ZNF277: variants seen among roughly 807,000 people sequenced by gnomAD.
ZNF277 encodes nuclear receptor-interacting factor 4.
In ZNF277, 55 loss-of-function variants were observed where a neutral mutation model predicts 60.7. That is an observed-to-expected ratio of 0.91 (90% confidence interval 0.73 to 1.13). The LOEUF (loss-of-function observed/expected upper bound fraction) is 1.13. Among genes scored for constraint, ZNF277 ranks in the 50% most tolerant of loss-of-function variants. The pLI is 0.00. For missense variants in ZNF277, 510 were observed against 523.0 expected (o/e 0.98, Z 0.24); for synonymous variants, 178 against 179.3 (o/e 0.99, Z 0.06).
At position 112,342,658 on chromosome 7, in the gene ZNF277, A is replaced by G. The variant is rs1177237860; in HGVS notation, c.1282A>G (p.Ile428Val). The G allele has an allele frequency of 6.2e-7, 1 of 1,612,778 alleles. No homozygotes were observed. The highest frequency in any genetic ancestry group is 8.5e-7 in the Non-Finnish European group (1 of 1,179,858). ...TAQEQNENVPIISEDTSKLYA... is the reference protein window; with the variant it reads ...TAQEQNENVPVISEDTSKLYA... ...TCAGGAACAAAATGAAAATGTTCCC[A>G]TCATCAGTGAAGATACATCTAAACT... The change falls in exon 12 of 12, where the codon ATC (isoleucine) becomes GTC (valine). Residue 428 changes from isoleucine (I) to valine (V), a missense_variant. Coordinates refer to ENST00000361822, the MANE Select transcript of ZNF277 (RefSeq NM_021994.3).
At position 112,327,821 on chromosome 7, in the gene ZNF277, T is replaced by A; in HGVS notation, c.662T>A (p.Leu221His). 1 of 1,605,548 alleles carries A rather than the reference T, an allele frequency of 6.2e-7. No individual in the cohort carries two copies. Among genetic ancestry groups the A allele is most frequent in the Non-Finnish European group, 8.5e-7 (1 of 1,175,586 alleles). The stretch of plus-strand genomic sequence containing the variant: ...TTTTTGTGTACATTACAGAAAAAGC[T>A]TGACAAGTAAGTACTGATTTATGAA... ...NEFLCTLQKK[L>H]DNLQCLYCEK... The change falls in exon 6 of 12, where the codon CTT becomes CAT. Residue 221 changes from leucine to histidine, a missense_variant. Transcript: ENST00000361822.
rs755325051 is a variant in ZNF277, at chr7:112,330,205, A to ATC, written c.791_792dup (p.Asn265SerfsTer69). On this transcript the variant is annotated frameshift_variant, in exon 7 of 12. Transcript: ENST00000361822. LOFTEE classifies it high-confidence loss of function. ...CAGAGAATATGACAGATTTTATGTC[A>ATC]TCAATTATTTGGTAAGGCTTTCTTT... The ATC allele has an allele frequency of 1.2e-4, 192 of 1,612,682 alleles. No homozygotes were observed. Among genetic ancestry groups the ATC allele is most frequent in the Non-Finnish European group, 1.9e-5 (22 of 1,179,804 alleles).
chr7:112,215,593 T>C (rs1402354327), intron 1 of ZNF277, among the ~76,000 whole-genome samples: 4 of 152,242 alleles, frequency 2.6e-5, no homozygotes, highest in Admixed American at 2.6e-4. Flanking sequence ...AGTGGATACA[T>C]TTGATTCTGT....
intron 1 of ZNF277, among the ~76,000 whole-genome samples, chr7:112,255,682 C>G (rs1340994677): frequency 6.6e-6 from 1 of 152,208 alleles, no homozygotes; most frequent in Admixed American, 6.5e-5. Flanking sequence ...GGCATGTGCC[C>G]CTTCCTCTTG....
chr7:112,298,868 A>G (rs1269740089), intron 4 of ZNF277, among the ~76,000 whole-genome samples: 1 of 152,204 alleles, frequency 6.6e-6, no homozygotes, highest in Non-Finnish European at 1.5e-5. Context: ...CAAACATTCC[A>G]GGTACATGCC....
At chr7:112,240,443 AAAGAT>A (rs1790919777) in intron 1 of ZNF277, among the ~76,000 whole-genome samples, 1 of 152,192 alleles carries the variant, frequency 6.6e-6, no homozygotes, top group Non-Finnish European at 1.5e-5. Context: ...AACACAAAGA[AAAGAT>A]AAATGCTTGA....
intron 1 of ZNF277, among the ~76,000 whole-genome samples, chr7:112,264,307 CATAATAT>C (rs1563208608): frequency 2.0e-5 from 3 of 152,114 alleles, no homozygotes; most frequent in Non-Finnish European, 4.4e-5. Flanking sequence ...TTAGCCACAA[CATAATAT>C]ATAAGTAAAC....
Position 112,318,235 on chromosome 7 carries a change from C to A in ZNF277, c.519C>A (p.Gly173=). 6.2e-7 allele frequency: 1 copy of A among 1,613,340 alleles called. No homozygotes were observed. The highest frequency in any genetic ancestry group is 8.5e-7 in the Non-Finnish European group (1 of 1,179,490). The part of the protein sequence containing the change: ...QQERNDTNFH[G]VCMFCNEEFL... Reference sequence around the variant, plus strand: ...AACGAAATGATACCAATTTTCATGGCGTTTGTATGTTTTGCAATGAAGAAT... The same window carrying A: ...AACGAAATGATACCAATTTTCATGGAGTTTGTATGTTTTGCAATGAAGAAT... The change falls in exon 5 of 12, where the codon GGC becomes GGA. Residue 173 remains glycine (G), a synonymous_variant. Coordinates refer to ENST00000361822, the MANE Select transcript of ZNF277 (RefSeq NM_021994.3).
At chr7:112,303,272 G>A (rs1792519223) in intron 4 of ZNF277, among the ~76,000 whole-genome samples, 1 of 151,912 alleles carries the variant, frequency 6.6e-6, no homozygotes, top group Non-Finnish European at 1.5e-5. Flanking sequence ...TTTCTAAATT[G>A]ACATTTGTTA....
At chr7:112,260,843 G>A (rs928690971) in intron 1 of ZNF277, among the ~76,000 whole-genome samples, 1 of 152,180 alleles carries the variant, frequency 6.6e-6, no homozygotes, top group Non-Finnish European at 1.5e-5. Flanking sequence ...CTTTCAAGAT[G>A]AATAAAGCAT....
At chr7:112,273,435 G>A (rs1791726412) in intron 1 of ZNF277, among the ~76,000 whole-genome samples, 1 of 152,200 alleles carries the variant, frequency 6.6e-6, no homozygotes, top group African/African-American at 2.4e-5. Context: ...GGGGATGGGG[G>A]AAGGGTGACA....
At chr7:112,245,468 A>G (rs1287982152) in intron 1 of ZNF277, among the ~76,000 whole-genome samples, 1 of 152,182 alleles carries the variant, frequency 6.6e-6, no homozygotes, top group African/African-American at 2.4e-5. Context: ...TTCGTTTTCT[A>G]TGCTATGTCA....
intron 2 of ZNF277, among the ~76,000 whole-genome samples, chr7:112,291,142 T>C (rs1792198262): frequency 6.6e-6 from 1 of 152,204 alleles, no homozygotes; most frequent in Non-Finnish European, 1.5e-5. Flanking sequence ...CATAGTTATT[T>C]ATACTGAGCT....
At chr7:112,224,442 G>C (rs1161905342) in intron 1 of ZNF277, among the ~76,000 whole-genome samples, 1 of 152,180 alleles carries the variant, frequency 6.6e-6, no homozygotes, top group African/African-American at 2.4e-5. Context: ...GTATAGAACT[G>C]GGCTCAATTC....
intron 1 of ZNF277, among the ~76,000 whole-genome samples, chr7:112,244,134 A>T (rs1791025063): frequency 1.3e-5 from 2 of 152,138 alleles, no homozygotes; most frequent in Admixed American, 6.6e-5. Context: ...AATAATGGAC[A>T]TTGGAGACTC....
At chr7:112,225,012 G>A (rs926889118) in intron 1 of ZNF277, among the ~76,000 whole-genome samples, 1 of 152,138 alleles carries the variant, frequency 6.6e-6, no homozygotes. Flanking sequence ...AAATATAGAG[G>A]AAGATGGATT....
At chr7:112,283,587 A>T (rs1791996129) in intron 1 of ZNF277, among the ~76,000 whole-genome samples, 1 of 152,186 alleles carries the variant, frequency 6.6e-6, no homozygotes, top group Non-Finnish European at 1.5e-5. Context: ...CTTGCATGAA[A>T]TTTGCATATT....
At chr7:112,273,191 T>G (rs1791716451) in intron 1 of ZNF277, among the ~76,000 whole-genome samples, 1 of 152,172 alleles carries the variant, frequency 6.6e-6, no homozygotes. Flanking sequence ...GCGACCCAAG[T>G]GCACTTTAGC....
At position 112,330,217 on chromosome 7, in the gene ZNF277, G is replaced by A. The variant is rs750877535; in HGVS notation, c.801+1G>A. 33 of 1,611,844 alleles carry A rather than the reference G, an allele frequency of 2.0e-5. No individual in the cohort carries two copies. In the Admixed American group the frequency reaches 4.3e-4, roughly 21 times the overall value. ...CAGATTTTATGTCATCAATTATTTG[G>A]TAAGGCTTTCTTTTCATAACTTAAA... On this transcript the variant is annotated splice_donor_variant, in intron 7 of 11. Transcript: ENST00000361822. LOFTEE classifies it high-confidence loss of function.
Sources: allele counts gnomAD v4.1 joint callset (sites outside exome capture counted in the v4.1 genomes callset), GRCh38; gene constraint gnomAD v4.1.1; transcripts MANE v1.5; gene names NCBI Gene and HGNC (gene_info 2026-07-23, HGNC 2026-07-21).